NKAIN2: variants seen among roughly 807,000 people sequenced by gnomAD.
NKAIN2 encodes sodium/potassium-transporting ATPase subunit beta-1-interacting protein 2.
A neutral mutation model predicts 32.6 loss-of-function variants in NKAIN2; 14 were observed. That is an observed-to-expected ratio of 0.43 (90% confidence interval 0.28 to 0.67). The LOEUF (loss-of-function observed/expected upper bound fraction) is 0.67, where lower values mean the gene tolerates loss of function less well. NKAIN2 is among the 30% of genes least tolerant of loss of function. The probability of loss-of-function intolerance (pLI) is 0.17; values close to 1 mark genes in which losing one functional copy is unlikely to be tolerated. For missense variants in NKAIN2, 198 were observed against 258.3 expected (o/e 0.77, Z 1.60); for synonymous variants, 80 against 87.2 (o/e 0.92, Z 0.46).
intron 1 of NKAIN2, among the ~76,000 whole-genome samples, chr6:124,090,697 C>T (rs1784378301): frequency 2.0e-5 from 3 of 151,918 alleles, no homozygotes. Context: ...CTCAGTGAAA[C>T]CAAGATAAAG....
chr6:124,392,667 A>G (rs1562151300), intron 3 of NKAIN2, among the ~76,000 whole-genome samples: 1 of 152,184 alleles, frequency 6.6e-6, no homozygotes, highest in South Asian at 2.1e-4. Flanking sequence ...CCAGTTGTAC[A>G]TAAAAAGTGT....
At chr6:124,359,256 G>T (rs140146957) in intron 3 of NKAIN2, among the ~76,000 whole-genome samples, 1 of 146,830 alleles carries the variant, frequency 6.8e-6, no homozygotes, top group Non-Finnish European at 1.5e-5. Flanking sequence ...GGCAATGTGG[G>T]CTCTTTTTTG....
At chr6:124,009,492 T>C (rs1780224668) in intron 1 of NKAIN2, among the ~76,000 whole-genome samples, 1 of 152,266 alleles carries the variant, frequency 6.6e-6, no homozygotes, top group South Asian at 2.1e-4. Context: ...GGTGGCGGCT[T>C]ACGATGTGGC....
At chr6:123,897,343 C>T (rs140377639) in intron 1 of NKAIN2, among the ~76,000 whole-genome samples, 1 of 152,256 alleles carries the variant, frequency 6.6e-6, no homozygotes, top group East Asian at 1.9e-4. Flanking sequence ...TCCCTGGACA[C>T]ACCGAACACT....
chr6:123,804,760 A>G (rs1773145155), intron 1 of NKAIN2, among the ~76,000 whole-genome samples: 1 of 152,112 alleles, frequency 6.6e-6, no homozygotes, highest in Admixed American at 6.5e-5. Flanking sequence ...GGCACATGGT[A>G]TCCTTACAAC....
Position 124,704,762 on chromosome 6 carries a change from TCTA to T in NKAIN2, c.474+46380_474+46382del, listed in dbSNP as rs1353753771. Among the ~76,000 whole-genome samples, 6 of 151,854 alleles carry T rather than the reference TCTA, an allele frequency of 4.0e-5. No individual in the cohort carries two copies. In the East Asian group the frequency reaches 9.7e-4, roughly 24 times the overall value. The stretch of plus-strand genomic sequence containing the variant: ...CTGAGAGACTTTCATTATCTGAAAA[TCTA>T]CTATGATTTATATCCTGATAGAACC... On this transcript the variant is annotated intron_variant, in intron 4 of 6. Coordinates refer to ENST00000368417, the MANE Select transcript of NKAIN2 (RefSeq NM_001040214.3).
At chr6:124,754,847 C>T (rs557827328) in intron 4 of NKAIN2, among the ~76,000 whole-genome samples, 1 of 152,220 alleles carries the variant, frequency 6.6e-6, no homozygotes, top group East Asian at 1.9e-4. Flanking sequence ...ATGTTCATTG[C>T]AACACTAGTC....
At chr6:124,267,356 T>C (rs1794539954) in intron 1 of NKAIN2, among the ~76,000 whole-genome samples, 1 of 151,976 alleles carries the variant, frequency 6.6e-6, no homozygotes, top group African/African-American at 2.4e-5. Flanking sequence ...TAAGAATGTA[T>C]TTTTCAGCCA....
chr6:124,510,277 A>C (rs1396718160), intron 3 of NKAIN2, among the ~76,000 whole-genome samples: 2 of 152,270 alleles, frequency 1.3e-5, no homozygotes, highest in East Asian at 3.9e-4. Flanking sequence ...CTTAAAAATA[A>C]ATTTTCATTT....
chr6:124,666,026 G>A (rs945175479), intron 4 of NKAIN2, among the ~76,000 whole-genome samples: 2 of 152,082 alleles, frequency 1.3e-5, no homozygotes, highest in African/African-American at 4.8e-5. Context: ...AAAATAGACA[G>A]AATGACTAGC....
intron 1 of NKAIN2, among the ~76,000 whole-genome samples, chr6:124,239,439 T>C (rs1478573531): frequency 6.6e-6 from 1 of 152,112 alleles, no homozygotes; most frequent in Non-Finnish European, 1.5e-5. Flanking sequence ...TAACAGAATA[T>C]ACATTCTTCT....
At chr6:124,278,075 GGAGACCAATTACA>G (rs1795123418) in intron 1 of NKAIN2, among the ~76,000 whole-genome samples, 1 of 152,154 alleles carries the variant, frequency 6.6e-6, no homozygotes, top group Non-Finnish European at 1.5e-5. Flanking sequence ...AATTTCTTAA[GGAGACCAATTACA>G]GGTCTTACCA....
At chr6:123,889,789 C>T (rs771564267) in intron 1 of NKAIN2, among the ~76,000 whole-genome samples, 4 of 152,100 alleles carry the variant, frequency 2.6e-5, no homozygotes, top group Non-Finnish European at 5.9e-5. Context: ...ATAATTCATA[C>T]CTTCTCACCT....
chr6:123,808,318 A>G (rs1359237186), intron 1 of NKAIN2, among the ~76,000 whole-genome samples: 1 of 152,166 alleles, frequency 6.6e-6, no homozygotes, highest in Non-Finnish European at 1.5e-5. Context: ...GAAGTTGTTA[A>G]CCAAACTTAC....
chr6:124,428,562 G>C (rs748110953), intron 3 of NKAIN2, among the ~76,000 whole-genome samples: 51 of 152,290 alleles, frequency 3.3e-4, no homozygotes, highest in Non-Finnish European at 5.6e-4. Context: ...GGCAGCCTAA[G>C]TAAAAGCTAC....
At chr6:123,939,555 A>C (rs1400557285) in intron 1 of NKAIN2, among the ~76,000 whole-genome samples, 1 of 152,026 alleles carries the variant, frequency 6.6e-6, no homozygotes, top group East Asian at 1.9e-4. Context: ...AATGAAGAAA[A>C]AATCATATGG....
At chr6:124,626,272 A>G (rs527946993) in intron 3 of NKAIN2, among the ~76,000 whole-genome samples, 8 of 152,158 alleles carry the variant, frequency 5.3e-5, no homozygotes, top group African/African-American at 1.7e-4. Flanking sequence ...GTGAGGGGCC[A>G]GATTCCCAAA....
intron 2 of NKAIN2, among the ~76,000 whole-genome samples, chr6:124,333,692 T>A (rs957703083): frequency 4.0e-5 from 6 of 151,850 alleles, no homozygotes; most frequent in East Asian, 1.9e-4. Flanking sequence ...AATACATAAA[T>A]AAATAAAATA....
intron 3 of NKAIN2, among the ~76,000 whole-genome samples, chr6:124,563,246 T>G (rs1780774822): frequency 6.6e-6 from 1 of 152,174 alleles, no homozygotes; most frequent in South Asian, 2.1e-4. Context: ...ACTTTGAGAC[T>G]TCTGAACTCA....
Sources: gnomAD v4.1 joint callset for allele counts (sites outside exome capture counted in the v4.1 genomes callset) on GRCh38, gnomAD v4.1.1 for gene constraint, MANE v1.5 for transcripts, NCBI Gene and HGNC (gene_info 2026-07-23, HGNC 2026-07-21) for gene names.